SMG7: variants seen among roughly 807,000 people sequenced by gnomAD.
SMG7 encodes the protein SMG7 nonsense mediated mRNA decay factor.
A neutral mutation model predicts 148.2 loss-of-function variants in SMG7; 34 were observed. That is an observed-to-expected ratio of 0.23 (90% confidence interval 0.17 to 0.31). The LOEUF is 0.31. Ranked by LOEUF, SMG7 falls within the 10% of genes least tolerant of loss-of-function variation. SMG7 has a pLI of 1.00. For missense variants in SMG7, 1,114 were observed against 1,408.4 expected (o/e 0.79, Z 3.35); for synonymous variants, 492 against 515.1 (o/e 0.96, Z 0.61).
chr1:183,521,365 G>T (rs1195420339), intron 4 of SMG7, among the ~76,000 whole-genome samples: 1 of 152,088 alleles, frequency 6.6e-6, no homozygotes. Flanking sequence ...TCCCCTAAGT[G>T]CTGGGATTAC....
At chr1:183,507,937 CAA>C (rs1043463927) in intron 1 of SMG7, among the ~76,000 whole-genome samples, 6 of 152,012 alleles carry the variant, frequency 3.9e-5, no homozygotes, top group African/African-American at 1.4e-4. Flanking sequence ...ATAACTAAGA[CAA>C]TATATTTCGA....
intron 4 of SMG7, among the ~76,000 whole-genome samples, chr1:183,523,046 A>G (rs1447408513): frequency 1.3e-5 from 2 of 152,200 alleles, no homozygotes; most frequent in Admixed American, 6.5e-5. Context: ...TTAAAGCAGA[A>G]CCAAATTCCT....
chr1:183,489,523 G>A (rs1399318594), intron 1 of SMG7, among the ~76,000 whole-genome samples: 1 of 152,090 alleles, frequency 6.6e-6, no homozygotes, highest in Non-Finnish European at 1.5e-5. Flanking sequence ...GTTGACCATA[G>A]AGAAATAGTA....
Position 183,552,973 on chromosome 1 carries a change from C to G in SMG7, c.*1042C>G. 3 of 1,536,092 alleles carry G rather than the reference C, an allele frequency of 2.0e-6. No homozygotes were observed. The highest frequency in any genetic ancestry group is 2.6e-6 in the Non-Finnish European group (3 of 1,146,836). ...TAATGTGTGCAACATCACATCTCCC[C>G]AAGAAGCAACAGCATGGGGTCCAGC... On this transcript the variant is annotated 3_prime_UTR_variant, in exon 23 of 23. Transcript: ENST00000688051.
At chr1:183,540,874 C>A in intron 12 of SMG7, 110 bp from the exon 13 acceptor site, 1 of 907,884 alleles carries the variant, frequency 1.1e-6, no homozygotes, top group Non-Finnish European at 1.7e-6. Context: ...AAGTAGCTAA[C>A]CTATGTGGGA....
chr1:183,509,559 T>G (rs1417692501), intron 1 of SMG7, among the ~76,000 whole-genome samples: 3 of 152,174 alleles, frequency 2.0e-5, no homozygotes, highest in Non-Finnish European at 4.4e-5. Flanking sequence ...TTGTTATATT[T>G]TCCATTTAGC....
At chr1:183,532,306 C>G (rs1426198617) in intron 8 of SMG7, among the ~76,000 whole-genome samples, 2 of 152,138 alleles carry the variant, frequency 1.3e-5, no homozygotes, top group Non-Finnish European at 2.9e-5. Context: ...TTCCCCTGGG[C>G]ATAGAGGAAG....
intron 8 of SMG7, among the ~76,000 whole-genome samples, chr1:183,530,637 C>G (rs1264119108): frequency 2.0e-5 from 3 of 152,130 alleles, no homozygotes; most frequent in Non-Finnish European, 2.9e-5. Context: ...ATACCTGTAT[C>G]TTTCCTGAAG....
At position 183,553,309 on chromosome 1, in the gene SMG7, A is replaced by AG. The variant is rs1671345968; in HGVS notation, c.*1382dup. 1 of 1,158,526 alleles carries AG rather than the reference A, an allele frequency of 8.6e-7. No individual in the cohort carries two copies. The highest frequency in any genetic ancestry group is 1.5e-5 in the African/African-American group (1 of 64,594). The allele number at this position is 1,158,526 out of a possible 1,614,324, so 71.8% of individuals were successfully genotyped here. On this transcript the variant is annotated 3_prime_UTR_variant, in exon 23 of 23. Transcript: ENST00000688051. The stretch of plus-strand genomic sequence containing the variant: ...CATTTCCTGGAAAAGTAATATTTTA[A>AG]GGGGAAATTATGGAAACAATCTAAT...
intron 12 of SMG7, among the ~76,000 whole-genome samples, chr1:183,539,660 C>T (rs1558047582): frequency 6.6e-6 from 1 of 152,220 alleles, no homozygotes; most frequent in Admixed American, 6.5e-5. Flanking sequence ...TCTTCTTTCT[C>T]TATTTTCTGT....
At chr1:183,518,012 G>A (rs957103677) in intron 4 of SMG7, among the ~76,000 whole-genome samples, 192 bp downstream of exon 4, 1 of 152,044 alleles carries the variant, frequency 6.6e-6, no homozygotes, top group Admixed American at 6.6e-5. Flanking sequence ...TAGTGGTGCC[G>A]TCATGGCTTC....
In SMG7 at chr1:183,472,544, G is replaced by T. The variant is rs1025140098; in HGVS notation, c.-77G>T. On this transcript the variant is annotated 5_prime_UTR_variant, in exon 1 of 23. Transcript: ENST00000688051. Reference sequence around the variant, plus strand: ...GATGGCGGCGGCCGCCAGCACCCGCGGTGCCGCGGGGCCGCTCCGAGGAGC... The same window carrying T: ...GATGGCGGCGGCCGCCAGCACCCGCTGTGCCGCGGGGCCGCTCCGAGGAGC... 1 of 1,327,750 alleles carries T rather than the reference G, an allele frequency of 7.5e-7. No homozygotes were observed. The highest frequency in any genetic ancestry group is 9.7e-7 in the Non-Finnish European group (1 of 1,026,184). 82.2% of individuals were successfully genotyped at this position (1,327,750 alleles called of 1,614,324 possible).
intron 1 of SMG7, among the ~76,000 whole-genome samples, chr1:183,494,702 T>A (rs1352261552): frequency 6.6e-6 from 1 of 151,044 alleles, no homozygotes; most frequent in Non-Finnish European, 1.5e-5. Flanking sequence ...AAGATGTTAT[T>A]CTATTATCTT....
chr1:183,509,065 G>A lies in SMG7; in HGVS notation c.30-3772G>A, dbSNP rs541671632. On this transcript the variant is annotated intron_variant, in intron 1 of 22. Coordinates refer to ENST00000688051, the MANE Select transcript of SMG7 (RefSeq NM_001375584.1). ...TCAGATAGTAAATATTTTAGGGTTGGTGGGCCATGTGGTTGTTGTCTCAAC... is the reference window on the plus strand; with the variant it reads ...TCAGATAGTAAATATTTTAGGGTTGATGGGCCATGTGGTTGTTGTCTCAAC... Among the ~76,000 whole-genome samples, 7 of 152,248 alleles carry A rather than the reference G, an allele frequency of 4.6e-5. No individual in the cohort carries two copies. In the South Asian group the frequency reaches 1.2e-3, roughly 27 times the overall value.
chr1:183,508,410 C>A (rs1395169794), intron 1 of SMG7, among the ~76,000 whole-genome samples: 5 of 152,048 alleles, frequency 3.3e-5, no homozygotes, highest in African/African-American at 1.2e-4. Context: ...CCAGGCTGGT[C>A]TTGAACTCCT....
chr1:183,502,253 A>G, intron 1 of SMG7: 1 of 1,512,390 alleles, frequency 6.6e-7, no homozygotes, highest in South Asian at 1.3e-5. Context: ...CTCTATCTAG[A>G]ATGTCTTAAA....
chr1:183,540,912 A>G, intron 12 of SMG7, 72 bp from the exon 13 acceptor site: 1 of 1,447,408 alleles, frequency 6.9e-7, no homozygotes, highest in Non-Finnish European at 9.6e-7. Context: ...ACAGTTAATC[A>G]GGTGAACTTG....
At chr1:183,522,819 T>C (rs1357473745) in intron 4 of SMG7, among the ~76,000 whole-genome samples, 1 of 152,052 alleles carries the variant, frequency 6.6e-6, no homozygotes, top group Non-Finnish European at 1.5e-5. Flanking sequence ...CTCTATCATT[T>C]TGGCTGAGTA....
At chr1:183,516,922 A>T (rs1364018844) in intron 3 of SMG7, among the ~76,000 whole-genome samples, 1 of 152,172 alleles carries the variant, frequency 6.6e-6, no homozygotes, top group Non-Finnish European at 1.5e-5. Context: ...TTTCCAGGTA[A>T]GTTGTAAACC....
Sources: gnomAD v4.1 joint callset for allele counts (sites outside exome capture counted in the v4.1 genomes callset) on GRCh38, gnomAD v4.1.1 for gene constraint, MANE v1.5 for transcripts, NCBI Gene and HGNC (gene_info 2026-07-23, HGNC 2026-07-21) for gene names.